Variants in PZP observed in about 807,000 individuals in gnomAD.
PZP encodes the protein PZP alpha-2-macroglobulin like.
PZP carries 150 observed loss-of-function variants against 179.8 expected under a neutral mutation model. The observed-to-expected ratio is 0.83, with a 90% confidence interval of 0.73 to 0.96. The LOEUF (loss-of-function observed/expected upper bound fraction) is 0.96. Ranked by LOEUF, PZP falls within the 40% of genes least tolerant of loss-of-function variation. PZP has a pLI of 0.00. For missense variants in PZP, 1,689 were observed against 1,764.0 expected (o/e 0.96, Z 0.76); for synonymous variants, 624 against 652.3 (o/e 0.96, Z 0.66).
In PZP at chr12:9,174,251, GA is replaced by G. The variant is rs758233080; in HGVS notation, c.1840-4661del. Among the ~76,000 whole-genome samples the G allele has an allele frequency of 5.3e-5, 8 of 152,284 alleles. No individual in the cohort carries two copies. The South Asian group carries it at 1.0e-3, about 20-fold the overall frequency. ...CCACATGGTTATCTCAATAGGTGCA[GA>G]AAAGGCCTTTGATAAAATTCAACAT... is the stretch of plus-strand genomic sequence containing the variant. On this transcript the variant is annotated intron_variant, in intron 15 of 35. Transcript: ENST00000261336.
At chr12:9,187,415 C>T (rs774799436) in intron 13 of PZP, among the ~76,000 whole-genome samples, 5 of 152,086 alleles carry the variant, frequency 3.3e-5, no homozygotes, top group African/African-American at 1.2e-4. Context: ...ACTCTAAAAC[C>T]GATCACACAA....
chr12:9,158,752 C>CTTTTTTTTTTTTTTTTTTTTTTTTTT, intron 25 of PZP, among the ~76,000 whole-genome samples, 176 bp from the exon 26 acceptor site: 1 of 97,818 alleles, frequency 1.0e-5, no homozygotes. Context: ...TTTTTCTTTT[C>CTTTTTTTTTTTTTTTTTTTTTTTTTT]TTTTCTTTTT....
intron 13 of PZP, among the ~76,000 whole-genome samples, chr12:9,186,101 T>C (rs779907026): frequency 1.3e-5 from 2 of 152,174 alleles, no homozygotes; most frequent in South Asian, 4.2e-4. Context: ...CCACTGCACC[T>C]GGCCAACATT....
rs1940411597 is a variant in PZP at position 9,152,246 on chromosome 12, T to G, written c.4186A>C (p.Ile1396Leu). 1 of 1,611,948 alleles carries G rather than the reference T, an allele frequency of 6.2e-7. No individual in the cohort carries two copies. Among genetic ancestry groups the G allele is most frequent in the Non-Finnish European group, 8.5e-7 (1 of 1,178,186 alleles). The change falls in exon 32 of 36, where the codon ATT (isoleucine) becomes CTT (leucine). Residue 1396 changes from isoleucine to leucine, a missense_variant. Physicochemically the swap from Ile to Leu is conservative, Grantham distance 5. This residue lies in a region of PZP where 746 missense variants were observed against 749.2 expected (regional missense o/e 1.00). Coordinates refer to ENST00000261336, the MANE Select transcript of PZP (RefSeq NM_002864.3). ...ATTTTTACTGTTGGTTTCAGGGGAA[T>G]AAAACCAGATACCATCTTTACATCA... ...IVDVKMVSGF[I>L]PLKPTVKMLE... is the part of the protein sequence containing the mutation.
chr12:9,195,060 G>A (rs1943688717), intron 10 of PZP, among the ~76,000 whole-genome samples: 1 of 152,044 alleles, frequency 6.6e-6, no homozygotes, highest in African/African-American at 2.4e-5. Flanking sequence ...CCAATAATCT[G>A]TTGTGATTTA....
At chr12:9,138,629 G>A in the PZP span, among the ~76,000 whole-genome samples, 2 of 151,678 alleles carry the variant, frequency 1.3e-5, no homozygotes, top group African/African-American at 4.8e-5. Context: ...ATCTGATCCT[G>A]GGTTTTTATT....
At chr12:9,175,915 C>G (rs1942333595) in intron 15 of PZP, among the ~76,000 whole-genome samples, 1 of 152,064 alleles carries the variant, frequency 6.6e-6, no homozygotes, top group East Asian at 1.9e-4. Flanking sequence ...CCTCAAAGAC[C>G]CAGAGGCAAA....
rs769181846 is a variant in PZP at position 9,158,539 on chromosome 12, G to A, written c.3175C>T (p.Arg1059Ter). The A allele has an allele frequency of 5.6e-6, 9 of 1,613,996 alleles. No homozygotes were observed. Among genetic ancestry groups the A allele is most frequent in the South Asian group, 4.4e-5 (4 of 91,078 alleles). ...GCTTCATCAATGAAGATGTAGGATC[G>A]AGCCTGGGCGAAAGTCTTCAGTACA... Reference protein sequence around the residue: ...AFVLKTFAQARSYIFIDEAHI... With the variant: ...AFVLKTFAQA Residue 1059 changes from arginine (R) to a stop codon, truncating the protein, a stop_gained, in exon 26 of 36, where the codon CGA (arginine) becomes TGA (stop). Transcript: ENST00000261336. LOFTEE classifies it high-confidence loss of function.
rs775476324 is a variant in PZP, at chr12:9,157,345, A to G, written c.3380T>C (p.Val1127Ala). Residue 1127 changes from valine (V) to alanine (A), a missense_variant, in exon 28 of 36, where the codon GTT becomes GCT. By Grantham distance (64) the Val-to-Ala change is moderately conservative. Around this residue, in one of 3 missense-constraint regions of PZP, gnomAD observed 746 missense variants for 749.2 expected, o/e 1.00. Transcript: ENST00000261336. Reference protein sequence around the residue: ...EIPLPVTNPIVRNALFCLESA... With the variant: ...EIPLPVTNPIARNALFCLESA... ...CTCCAGGCAGAACAGGGCATTGCGA[A>G]CAATAGGGTTCTGTAAAGGCAAAAT... 6.2e-7 allele frequency: 1 copy of G among 1,612,944 alleles called. No individual in the cohort carries two copies. Among genetic ancestry groups the G allele is most frequent in the Admixed American group, 1.7e-5 (1 of 59,968 alleles).
In PZP at chr12:9,165,909, G is replaced by A. The variant is rs1049846482; in HGVS notation, c.2258+143C>T. 2.5e-5 allele frequency: 24 copies of A among 952,948 alleles called. No homozygotes were observed. In the Admixed American group the frequency reaches 3.6e-4, roughly 14 times the overall value. 59.0% of individuals were successfully genotyped at this position (952,948 alleles called of 1,614,324 possible). ...TGTATTAATGAGCCTATGCAATTGC[G>A]CATTTTACTTAGGTCTATCCTAAAG... is the stretch of plus-strand genomic sequence containing the variant. On this transcript the variant is annotated intron_variant, in intron 18 of 35. Coordinates refer to ENST00000261336, the MANE Select transcript of PZP (RefSeq NM_002864.3).
At chr12:9,178,448 T>A (rs1314660964) in intron 15 of PZP, among the ~76,000 whole-genome samples, 1 of 152,190 alleles carries the variant, frequency 6.6e-6, no homozygotes, top group African/African-American at 2.4e-5. Context: ...AGAGTATTGA[T>A]GCTGGCAATT....
At chr12:9,154,977 A>G in intron 28 of PZP, 138 bp from the exon 29 acceptor site, 1 of 887,744 alleles carries the variant, frequency 1.1e-6, no homozygotes, top group East Asian at 2.7e-5. Flanking sequence ...ATAAACTCCT[A>G]AAACTCACTA....
chr12:9,184,384 C>G (rs1171623629), intron 13 of PZP, among the ~76,000 whole-genome samples: 1 of 152,236 alleles, frequency 6.6e-6, no homozygotes, highest in Non-Finnish European at 1.5e-5. Context: ...TTCATACAGT[C>G]CTGCACCCAC....
intron 25 of PZP, 29 bp from the exon 26 acceptor site, chr12:9,158,605 G>C: frequency 6.2e-7 from 1 of 1,610,492 alleles, no homozygotes; most frequent in Non-Finnish European, 8.5e-7. Flanking sequence ...CAGTGCTGAG[G>C]CTCTTTTCAT....
chr12:9,203,611 G>A (rs934973515), intron 2 of PZP, among the ~76,000 whole-genome samples, 157 bp downstream of exon 2: 2 of 152,068 alleles, frequency 1.3e-5, no homozygotes, highest in African/African-American at 4.8e-5. Flanking sequence ...AAAGTGCTGG[G>A]ATTACAGGCG....
intron 25 of PZP, among the ~76,000 whole-genome samples, 166 bp downstream of exon 25, chr12:9,159,771 CT>C (rs1273384605): frequency 2.6e-5 from 4 of 151,562 alleles, no homozygotes; most frequent in Non-Finnish European, 5.9e-5. Context: ...GGCCCCTAGA[CT>C]TTTGACTTAT....
At chr12:9,157,913 A>C in intron 26 of PZP, 72 bp from the exon 27 acceptor site, 1 of 1,233,432 alleles carries the variant, frequency 8.1e-7, no homozygotes, top group South Asian at 1.3e-5. Context: ...TGTTTGATGG[A>C]AACGCTCCTC....
At chr12:9,184,225 G>A (rs1942956595) in intron 13 of PZP, among the ~76,000 whole-genome samples, 1 of 152,188 alleles carries the variant, frequency 6.6e-6, no homozygotes, top group Non-Finnish European at 1.5e-5. Flanking sequence ...TGACATCAGA[G>A]CATTGGCAGG....
Position 9,203,800 on chromosome 12 carries a change from C to T in PZP, c.235G>A (p.Glu79Lys). Reference sequence around the variant, plus strand: ...GAGACACAGTGGAATAAGTCCTTCTCCGCCACCAGGTCAGTGAAGAGGCTC... The same window carrying T: ...GAGACACAGTGGAATAAGTCCTTCTTCGCCACCAGGTCAGTGAAGAGGCTC... The part of the protein sequence containing the change: ...NRSLFTDLVA[E>K]KDLFHCVSFT... Residue 79 changes from glutamate (E) to lysine (K), a missense_variant, in exon 2 of 36, where the codon GAG becomes AAG. This residue lies in a region of PZP where 742 missense variants were observed against 730.5 expected (regional missense o/e 1.02). Coordinates refer to ENST00000261336, the MANE Select transcript of PZP (RefSeq NM_002864.3). The T allele has an allele frequency of 1.9e-6, 3 of 1,614,144 alleles. No individual in the cohort carries two copies. Among genetic ancestry groups the T allele is most frequent in the African/African-American group, 1.3e-5 (1 of 75,044 alleles).
Sources: gnomAD v4.1 joint callset for allele counts (sites outside exome capture counted in the v4.1 genomes callset) on GRCh38, gnomAD v4.1.1 for gene constraint, gnomAD v4.1.1 regional missense constraint, MANE v1.5 for transcripts, NCBI Gene and HGNC (gene_info 2026-07-23, HGNC 2026-07-21) for gene names.